Variants in GAS6 observed in about 807,000 individuals in gnomAD.
The protein encoded by GAS6 is growth arrest specific 6, also known as growth arrest-specific protein 6.
In GAS6, 41 loss-of-function variants were observed where a neutral mutation model predicts 75.8. The ratio of observed to expected loss-of-function variants is 0.54; its 90% CI spans 0.42 to 0.70. GAS6 has a LOEUF of 0.70. GAS6 is among the 30% of genes least tolerant of loss of function. The pLI, the probability that GAS6 is intolerant of heterozygous loss-of-function variation, is 0.00. For synonymous variants in GAS6, 432 were observed against 412.6 expected (o/e 1.05, Z -0.57); for missense variants, 854 against 940.2 (o/e 0.91, Z 1.20).
chr13:113,858,968 CTGTA>C (rs150011176), intron 2 of GAS6, among the ~76,000 whole-genome samples: 29,785 of 149,282 alleles, frequency 0.2, 3,109 homozygotes, highest in South Asian at 0.38. Flanking sequence ...GTCTGTGTGA[CTGTA>C]TGTCTATATG....
chr13:113,853,993 C>T, intron 2 of GAS6, among the ~76,000 whole-genome samples: 1 of 152,344 alleles, frequency 6.6e-6, no homozygotes. Context: ...CAGTGCATGG[C>T]CCCCAGCCCA....
chr13:113,862,019 C>T (rs528578436), intron 2 of GAS6, among the ~76,000 whole-genome samples: 6 of 152,166 alleles, frequency 3.9e-5, no homozygotes, highest in East Asian at 3.8e-4. Context: ...GTGACGCAAC[C>T]GCAGTTGTAT....
rs2051731396 is a variant in GAS6, at chr13:113,837,685, G to C, written c.589+384C>G. Among the ~76,000 whole-genome samples the C allele has an allele frequency of 6.6e-6, 1 of 152,110 alleles. No homozygotes were observed. The highest frequency in any genetic ancestry group is 2.4e-5 in the African/African-American group (1 of 41,412). On this transcript the variant is annotated intron_variant, in intron 6 of 14. Coordinates refer to ENST00000327773, the MANE Select transcript of GAS6 (RefSeq NM_000820.4). The surrounding 1 kb of genome is among the most constrained non-coding windows in gnomAD (Gnocchi z 5.1). The stretch of plus-strand genomic sequence containing the variant: ...GGAGACCAACAACGGGGTGCTTCTG[G>C]GGATGCTGGGGAGAGTGGACGGCGG...
At chr13:113,838,540 C>G (rs1454827032) in intron 5 of GAS6, among the ~76,000 whole-genome samples, 2 of 128,092 alleles carry the variant, frequency 1.6e-5, no homozygotes, top group Non-Finnish European at 3.3e-5. Flanking sequence ...GGAGGGAGCC[C>G]GGGGGTGCAC....
intron 10 of GAS6, among the ~76,000 whole-genome samples, chr13:113,830,174 A>C (rs968094779): frequency 6.6e-6 from 1 of 152,198 alleles, no homozygotes; most frequent in Admixed American, 6.5e-5. Flanking sequence ...AACACCTTTC[A>C]GGTATTTGGG....
chr13:113,826,468 CGCA>C (rs1566354628), intron 12 of GAS6, among the ~76,000 whole-genome samples: 23 of 84,986 alleles, frequency 2.7e-4, no homozygotes, highest in African/African-American at 3.9e-4. Flanking sequence ...GCGCCGGCCT[CGCA>C]GGCACCTTCT....
At chr13:113,830,412 G>A (rs371203449) in intron 10 of GAS6, among the ~76,000 whole-genome samples, 1,167 of 105,474 alleles carry the variant, frequency 0.011, 1 homozygote, top group Middle Eastern at 0.048. Flanking sequence ...CCTCCTCCCC[G>A]TGGCTCCATC....
intron 3 of GAS6, 79 bp downstream of exon 3, chr13:113,847,944 TGAG>T: frequency 4.0e-6 from 5 of 1,255,516 alleles, no homozygotes; most frequent in Middle Eastern, 1.9e-4. Context: ...AGTTACGTGG[TGAG>T]GAGATTCCTC....
At position 113,847,225 on chromosome 13, in the gene GAS6, C is replaced by T. The variant is rs535553859; in HGVS notation, c.281-636G>A. The T allele has an allele frequency of 9.9e-4, 259 of 260,514 alleles. 1 individual carries two copies. The highest frequency in any genetic ancestry group is 1.7e-3 in the Non-Finnish European group (214 of 129,690). The allele number at this position is 260,514 out of a possible 1,614,324, so 16.1% of individuals were successfully genotyped here. On this transcript the variant is annotated intron_variant, in intron 3 of 14. Transcript: ENST00000327773. ...GGCCTCCTGCAGGTGTGCTGTGGAC[C>T]GCTGGCCACCCCCTGCTTCAGAACT...
At chr13:113,821,087 C>T in intron 14 of GAS6, 69 bp from the exon 15 acceptor site, 1 of 1,548,000 alleles carries the variant, frequency 6.5e-7, no homozygotes, top group East Asian at 2.3e-5. Flanking sequence ...CCCCCCCACC[C>T]CCGGCAGCGC....
intron 2 of GAS6, among the ~76,000 whole-genome samples, chr13:113,856,383 C>T (rs777049498): frequency 9.9e-5 from 15 of 152,190 alleles, no homozygotes; most frequent in Non-Finnish European, 1.9e-4. Context: ...TAGCCCTCCA[C>T]AGCCTCTCAG....
chr13:113,835,574 G>A lies in GAS6; in HGVS notation c.651C>T (p.Gly217=), dbSNP rs1044021400. ...CCTCGTCACAGAGGCAGGAGTAGGA[G>A]CCGGGCAGGTTCTTGCAGCGCGCCT... ...CGEARCKNLP[G]SYSCLCDEGF... is the part of the protein sequence containing the mutation. Residue 217 remains glycine (G), a synonymous_variant, in exon 7 of 15, where the codon GGC becomes GGT. Coordinates refer to ENST00000327773, the MANE Select transcript of GAS6 (RefSeq NM_000820.4). The A allele has an allele frequency of 6.2e-7, 1 of 1,612,500 alleles. No homozygotes were observed. The highest frequency in any genetic ancestry group is 1.3e-5 in the African/African-American group (1 of 74,926).
At chr13:113,852,319 G>A (rs1158596871) in intron 2 of GAS6, among the ~76,000 whole-genome samples, 2 of 152,178 alleles carry the variant, frequency 1.3e-5, no homozygotes, top group Non-Finnish European at 2.9e-5. Flanking sequence ...GGGGCTGGTC[G>A]AGGCTGGGAG....
At chr13:113,835,278 A>G (rs1351188763) in intron 7 of GAS6, among the ~76,000 whole-genome samples, 1 of 152,218 alleles carries the variant, frequency 6.6e-6, no homozygotes, top group Non-Finnish European at 1.5e-5. Flanking sequence ...CATGCGGTGT[A>G]TATGCATGTG....
chr13:113,858,820 T>C (rs2051940277), intron 2 of GAS6, among the ~76,000 whole-genome samples: 1 of 150,988 alleles, frequency 6.6e-6, no homozygotes, highest in Non-Finnish European at 1.5e-5. Context: ...TGTGAATGTG[T>C]GCATGTATGT....
intron 11 of GAS6, among the ~76,000 whole-genome samples, chr13:113,828,153 G>A (rs1186953956): frequency 1.1e-4 from 16 of 152,170 alleles, no homozygotes; most frequent in South Asian, 6.2e-4. Flanking sequence ...AGTCCCAGCT[G>A]CCTGGGAGGC....
At chr13:113,826,099 A>G (rs2051534441) in intron 12 of GAS6, among the ~76,000 whole-genome samples, 1 of 152,154 alleles carries the variant, frequency 6.6e-6, no homozygotes, top group African/African-American at 2.4e-5. Flanking sequence ...TCCTCACAGC[A>G]GCACCCCCGG....
In GAS6 at chr13:113,820,771, G is replaced by A. The variant is rs970011710; in HGVS notation, c.*93C>T. 7 of 1,377,722 alleles carry A rather than the reference G, an allele frequency of 5.1e-6. No individual in the cohort carries two copies. Among genetic ancestry groups the A allele is most frequent in the Admixed American group, 2.3e-5 (1 of 43,118 alleles). The allele number at this position is 1,377,722 out of a possible 1,614,324, so 85.3% of individuals were successfully genotyped here. A position where few individuals can be genotyped will look rare whatever the true frequency, so the allele number is the denominator to read the frequency against. On this transcript the variant is annotated 3_prime_UTR_variant, in exon 15 of 15. Coordinates refer to ENST00000327773, the MANE Select transcript of GAS6 (RefSeq NM_000820.4). ...CGGGATGGTCACAGAGGAAAGCCCA[G>A]CTCTCAGCATGGCCCCACGTGGTGA...
In GAS6 at chr13:113,863,903, C is replaced by A. The variant is rs1013209438; in HGVS notation, c.18G>T (p.Ser6=). 2.1e-3 allele frequency: 2,432 copies of A among 1,180,432 alleles called. 6 individuals carry two copies. The highest frequency in any genetic ancestry group is 2.3e-3 in the Non-Finnish European group (2,222 of 957,108). 73.1% of individuals were successfully genotyped at this position (1,180,432 alleles called of 1,614,324 possible). A position where few individuals can be genotyped will look rare whatever the true frequency, so the allele number is the denominator to read the frequency against. ...CGCGGCGCAGGGCGGCGGGCCCGGG[C>A]GAGAGCGAAGGGGCCATGGCGGGCC... MAPSL[S]PGPAALRRAP... is the part of the protein sequence containing the mutation. The change falls in exon 1 of 15, where the codon TCG becomes TCT. Residue 6 remains serine, a synonymous_variant. Coordinates refer to ENST00000327773, the MANE Select transcript of GAS6 (RefSeq NM_000820.4). The surrounding 1 kb of genome is among the most constrained non-coding windows in gnomAD (Gnocchi z 9.4).
Sources: allele counts gnomAD v4.1 joint callset (sites outside exome capture counted in the v4.1 genomes callset), GRCh38; gene constraint gnomAD v4.1.1; non-coding constraint Gnocchi (gnomAD v3.1); transcripts MANE v1.5; gene names NCBI Gene and HGNC (gene_info 2026-07-23, HGNC 2026-07-21).